The following M1AP variants were observed in gnomAD, a reference collection of about 807,000 sequenced individuals.
M1AP encodes meiosis 1 associated protein, also known as meiosis 1 arrest protein.
Under a neutral mutation model 51.2 loss-of-function variants are expected in M1AP, and 39 were observed. That is an observed-to-expected ratio of 0.76 (90% confidence interval 0.59 to 1.00). The LOEUF is 1.00. M1AP is among the 50% of genes least tolerant of loss of function. The pLI, the probability that M1AP is intolerant of heterozygous loss-of-function variation, is 0.00. For missense variants in M1AP, 545 were observed against 641.2 expected, an observed-to-expected ratio of 0.85 and a Z score of 1.62; for synonymous variants, 251 against 249.2, an observed-to-expected ratio of 1.01 and a Z score of -0.07.
At chr2:74,582,132 G>A (rs1359284988) in intron 4 of M1AP, among the ~76,000 whole-genome samples, 2 of 152,100 alleles carry the variant, frequency 1.3e-5, no homozygotes, top group African/African-American at 4.8e-5. Flanking sequence ...ATGAGGTCTC[G>A]CTATGTTGCT....
In M1AP at chr2:74,603,832, C is replaced by T. The variant is rs545597702; in HGVS notation, c.595+3223G>A. Among the ~76,000 whole-genome samples, 5 of 152,230 alleles carry T rather than the reference C, an allele frequency of 3.3e-5. No homozygotes were observed. The East Asian group carries it at 9.6e-4, about 29-fold the overall frequency. ...CACCCTTAGTAACCAACCCTCCCTC[C>T]TACCTAATTAGAGGGAGGTGAGATG... On this transcript the variant is annotated intron_variant, in intron 4 of 10. Transcript: ENST00000421985.
In M1AP at chr2:74,640,041, A is replaced by C; in HGVS notation, c.235T>G (p.Phe79Val). ...VQDQHECILP[F>V]VQVKGNFARL... ...ATAAATATAGATATACTTACCACAA[A>C]AGGGAGGATGCACTCATGCTGATCT... The change falls in exon 2 of 11, where the codon TTT becomes GTT. Residue 79 changes from phenylalanine to valine, a missense_variant. Phe to Val is a conservative substitution (Grantham distance 50). Transcript: ENST00000421985. 6.2e-7 allele frequency: 1 copy of C among 1,613,794 alleles called. No individual in the cohort carries two copies.
rs185038454 is a variant in M1AP at position 74,599,367 on chromosome 2, T to C, written c.595+7688A>G. Among the ~76,000 whole-genome samples the C allele has an allele frequency of 8.0e-4, 122 of 152,256 alleles. 1 individual carries two copies. The highest frequency in any genetic ancestry group is 7.3e-3 in the East Asian group (38 of 5,190). Reference sequence around the variant, plus strand: ...CCCTTGTCATGAAAATTTTCTCCTATGCTTTTTTTTTTAAAGTTTTACATT... The same window carrying C: ...CCCTTGTCATGAAAATTTTCTCCTACGCTTTTTTTTTTAAAGTTTTACATT... On this transcript the variant is annotated intron_variant, in intron 4 of 10. Coordinates refer to ENST00000421985, the MANE Select transcript of M1AP (RefSeq NM_001321739.2).
At chr2:74,590,265 T>C (rs141256173) in intron 4 of M1AP, among the ~76,000 whole-genome samples, 25 of 152,272 alleles carry the variant, frequency 1.6e-4, no homozygotes, top group African/African-American at 5.5e-4. Context: ...TGGCCCCTTC[T>C]CACTGTATCC....
intron 4 of M1AP, among the ~76,000 whole-genome samples, chr2:74,597,225 G>A (rs1006690414): frequency 6.6e-6 from 1 of 152,154 alleles, no homozygotes; most frequent in African/African-American, 2.4e-5. Context: ...AGAAAAATCT[G>A]CCATTTTTCT....
intron 5 of M1AP, among the ~76,000 whole-genome samples, chr2:74,578,834 G>C (rs1679240543): frequency 6.6e-6 from 1 of 151,168 alleles, no homozygotes; most frequent in South Asian, 2.1e-4. Flanking sequence ...GAGGAGGAAA[G>C]CTTGGGTTTT....
At chr2:74,573,109 C>T (rs1002343230) in intron 7 of M1AP, among the ~76,000 whole-genome samples, 9 of 152,108 alleles carry the variant, frequency 5.9e-5, no homozygotes, top group African/African-American at 1.9e-4. Flanking sequence ...TGCAGTGGCA[C>T]GATTTCGGCT....
At chr2:74,643,338 A>G (rs1030846666) in intron 1 of M1AP, among the ~76,000 whole-genome samples, 3 of 152,214 alleles carry the variant, frequency 2.0e-5, no homozygotes, top group African/African-American at 7.2e-5. Context: ...GGATGATTCT[A>G]AGAAACATAA....
chr2:74,566,529 CTG>C (rs898806881), intron 7 of M1AP, among the ~76,000 whole-genome samples: 1 of 152,056 alleles, frequency 6.6e-6, no homozygotes, highest in Admixed American at 6.6e-5. Flanking sequence ...ATTAGTGTGA[CTG>C]GGGGGAAGAT....
At chr2:74,631,416 T>C (rs978694458) in intron 2 of M1AP, among the ~76,000 whole-genome samples, 1 of 152,184 alleles carries the variant, frequency 6.6e-6, no homozygotes, top group Non-Finnish European at 1.5e-5. Flanking sequence ...TTTCCTCTTA[T>C]TACTCTTACG....
chr2:74,627,268 G>A (rs1652068407), intron 2 of M1AP, among the ~76,000 whole-genome samples: 1 of 151,780 alleles, frequency 6.6e-6, no homozygotes, highest in Non-Finnish European at 1.5e-5. Context: ...GATCATTTTG[G>A]TTATTGTGAT....
intron 2 of M1AP, among the ~76,000 whole-genome samples, chr2:74,637,425 T>C (rs904638853): frequency 2.6e-5 from 4 of 152,276 alleles, no homozygotes; most frequent in Non-Finnish European, 4.4e-5. Flanking sequence ...TTTTAATTAA[T>C]AATTTCTTCA....
intron 6 of M1AP, 132 bp from the exon 7 acceptor site, chr2:74,575,711 C>A: frequency 1.5e-6 from 1 of 682,382 alleles, no homozygotes; most frequent in Non-Finnish European, 2.5e-6. Context: ...AACTATGCAT[C>A]TTTGTATGGC....
intron 4 of M1AP, among the ~76,000 whole-genome samples, chr2:74,585,226 C>T (rs968401507): frequency 1.3e-5 from 2 of 152,100 alleles, no homozygotes; most frequent in East Asian, 3.9e-4. Context: ...AGGGGAACAG[C>T]GATGCGTGCT....
intron 4 of M1AP, among the ~76,000 whole-genome samples, chr2:74,592,851 C>T (rs986795025): frequency 6.6e-6 from 1 of 152,182 alleles, no homozygotes; most frequent in Admixed American, 6.5e-5. Flanking sequence ...CCCAGCATTA[C>T]TTTTTGAGCA....
At chr2:74,631,417 T>C (rs1682697887) in intron 2 of M1AP, among the ~76,000 whole-genome samples, 1 of 152,166 alleles carries the variant, frequency 6.6e-6, no homozygotes, top group African/African-American at 2.4e-5. Context: ...TTCCTCTTAT[T>C]ACTCTTACGC....
intron 2 of M1AP, among the ~76,000 whole-genome samples, chr2:74,632,729 T>C (rs1382253128): frequency 6.6e-6 from 1 of 152,190 alleles, no homozygotes; most frequent in African/African-American, 2.4e-5. Flanking sequence ...ACCCTTTTAT[T>C]TGAGGCTTGA....
intron 3 of M1AP, among the ~76,000 whole-genome samples, chr2:74,614,737 A>C (rs1317064315): frequency 6.6e-6 from 1 of 152,208 alleles, no homozygotes; most frequent in Non-Finnish European, 1.5e-5. Context: ...AATTCACTTC[A>C]GTCTGTATTT....
At chr2:74,604,957 C>A (rs374753220) in intron 4 of M1AP, among the ~76,000 whole-genome samples, 8 of 152,244 alleles carry the variant, frequency 5.3e-5, no homozygotes, top group East Asian at 3.9e-4. Flanking sequence ...CACCTGTAAT[C>A]CCAGCACTTT....
Sources: allele counts gnomAD v4.1 joint callset (sites outside exome capture counted in the v4.1 genomes callset), GRCh38; gene constraint gnomAD v4.1.1; transcripts MANE v1.5; gene names NCBI Gene and HGNC (gene_info 2026-07-23, HGNC 2026-07-21).